The following YTHDC1 variants were observed in gnomAD, a reference collection of about 807,000 sequenced individuals.
YTHDC1 encodes YTH N6-methyladenosine RNA binding protein C1, also known as YTH domain-containing protein 1.
Under a neutral mutation model 107.0 loss-of-function variants are expected in YTHDC1, and 12 were observed. That is an observed-to-expected ratio of 0.11 (90% CI 0.07 to 0.18). The LOEUF (loss-of-function observed/expected upper bound fraction) is 0.18, where lower values mean the gene tolerates loss of function less well. Among genes scored for constraint, YTHDC1 ranks in the 10% least tolerant of loss-of-function variants. YTHDC1 has a pLI of 1.00. For missense variants in YTHDC1, 635 were observed against 898.8 expected, an observed-to-expected ratio of 0.71 and a Z score of 3.75; for synonymous variants, 280 against 289.5, an observed-to-expected ratio of 0.97 and a Z score of 0.33.
At chr4:68,337,997 G>C in intron 2 of YTHDC1, 97 bp from the exon 3 acceptor site, 1 of 1,482,002 alleles carries the variant, frequency 6.7e-7, no homozygotes, top group Non-Finnish European at 8.9e-7. Flanking sequence ...AGGAAGGGGG[G>C]ATAGGCCTCA....
intron 11 of YTHDC1, among the ~76,000 whole-genome samples, chr4:68,320,879 A>AT (rs915550097): frequency 9.3e-5 from 14 of 150,534 alleles, no homozygotes; most frequent in South Asian, 2.1e-4. Flanking sequence ...AATTAAGGGA[A>AT]TTTTTTTTTT....
chr4:68,324,938 TTA>T (rs1175360452), intron 9 of YTHDC1, among the ~76,000 whole-genome samples: 2 of 152,216 alleles, frequency 1.3e-5, no homozygotes, highest in African/African-American at 4.8e-5. Flanking sequence ...TCCTCTATTT[TTA>T]TAGTTCTTTG....
intron 11 of YTHDC1, among the ~76,000 whole-genome samples, chr4:68,321,144 T>C (rs1319208413): frequency 6.6e-6 from 1 of 152,134 alleles, no homozygotes; most frequent in Non-Finnish European, 1.5e-5. Context: ...AAAATAAATA[T>C]ATCTTTTTAA....
chr4:68,348,658 C>T (rs1163630553), intron 1 of YTHDC1, among the ~76,000 whole-genome samples: 2 of 152,102 alleles, frequency 1.3e-5, no homozygotes, highest in African/African-American at 4.8e-5. Flanking sequence ...AGCATGAAGA[C>T]TCTCCTGATG....
In YTHDC1 at chr4:68,310,538, G is replaced by C. The variant is rs1352669828; in HGVS notation, c.*3561C>G. The stretch of plus-strand genomic sequence containing the variant: ...TAGAGATTAAATGATCTACATGATA[G>C]ATAACAGAATACTATGCATGGATTG... On this transcript the variant is annotated 3_prime_UTR_variant, in exon 17 of 17. Transcript: ENST00000344157. The C allele has an allele frequency of 6.6e-6, 1 of 152,140 alleles. No individual in the cohort carries two copies. Among genetic ancestry groups the C allele is most frequent in the African/African-American group, 2.4e-5 (1 of 41,434 alleles). 9.4% of individuals were successfully genotyped at this position (152,140 alleles called of 1,614,324 possible). A position where few individuals can be genotyped will look rare whatever the true frequency, so the allele number is the denominator to read the frequency against.
At chr4:68,332,695 A>G (rs1723728684) in intron 6 of YTHDC1, 99 bp downstream of exon 6, 2 of 1,068,102 alleles carry the variant, frequency 1.9e-6, no homozygotes, top group Non-Finnish European at 2.8e-6. Context: ...AATATATCGG[A>G]ACATTACTAC....
At chr4:68,316,193 A>C in intron 16 of YTHDC1, 121 bp downstream of exon 16, 1 of 1,144,878 alleles carries the variant, frequency 8.7e-7, no homozygotes, top group Admixed American at 2.6e-5. Context: ...ATTATTCCAA[A>C]ACAGTCTGCA....
intron 7 of YTHDC1, among the ~76,000 whole-genome samples, chr4:68,331,716 C>A (rs62316047): frequency 0.017 from 2,613 of 151,758 alleles, 45 homozygotes; most frequent in Middle Eastern, 0.027. Flanking sequence ...TTCAAAAGAA[C>A]CTCAAAGTGT....
intron 1 of YTHDC1, chr4:68,344,219 A>C (rs1560505203): frequency 6.6e-6 from 1 of 152,128 alleles, no homozygotes; most frequent in Non-Finnish European, 1.5e-5. Context: ...AAAAAAAAAA[A>C]AAAACAAACT....
At chr4:68,341,627 A>G (rs1261558364) in intron 1 of YTHDC1, among the ~76,000 whole-genome samples, 2 of 152,118 alleles carry the variant, frequency 1.3e-5, no homozygotes, top group Non-Finnish European at 2.9e-5. Flanking sequence ...GAACACTTAC[A>G]GCCCACAAAG....
At chr4:68,333,033 A>G (rs918423180) in intron 5 of YTHDC1, among the ~76,000 whole-genome samples, 186 bp from the exon 6 acceptor site, 19 of 152,132 alleles carry the variant, frequency 1.2e-4, no homozygotes, top group Non-Finnish European at 2.2e-4. Context: ...GATTTTTTTA[A>G]AAGTATGTAT....
In YTHDC1 at chr4:68,349,731, T is replaced by C. The variant is rs898807739; in HGVS notation, c.23A>G (p.Glu8Gly). 6.8e-6 allele frequency: 11 copies of C among 1,607,776 alleles called. No individual in the cohort carries two copies. Among genetic ancestry groups the C allele is most frequent in the Non-Finnish European group, 8.5e-6 (10 of 1,178,104 alleles). MAADSRE[E>G]KDGELNVLDD... ...TCATCTTTCTCCGCACTAACCTTTCTCCTCCCGACTGTCAGCCGCCATGGC... is the reference window on the plus strand; with the variant it reads ...TCATCTTTCTCCGCACTAACCTTTCCCCTCCCGACTGTCAGCCGCCATGGC... The change falls in exon 1 of 17, where the codon GAG (glutamate) becomes GGG (glycine). Residue 8 changes from glutamate (E) to glycine (G), a missense_variant. Glu to Gly is a moderately conservative substitution (Grantham distance 98, BLOSUM62 -2). Transcript: ENST00000344157.
At chr4:68,319,664 T>C (rs748267630) in intron 12 of YTHDC1, among the ~76,000 whole-genome samples, 87 of 152,174 alleles carry the variant, frequency 5.7e-4, no homozygotes, top group South Asian at 1.4e-3. Flanking sequence ...GATAGATTAA[T>C]TGAAAAGCTA....
intron 15 of YTHDC1, among the ~76,000 whole-genome samples, chr4:68,316,653 T>C (rs893916215): frequency 2.0e-5 from 3 of 152,222 alleles, no homozygotes; most frequent in Admixed American, 2.0e-4. Context: ...GCTTTTCTAC[T>C]CCTATCATAT....
At chr4:68,336,002 T>C (rs906311989) in intron 4 of YTHDC1, among the ~76,000 whole-genome samples, 22 of 148,130 alleles carry the variant, frequency 1.5e-4, no homozygotes, top group Non-Finnish European at 2.1e-4. Context: ...ATAGTATAAA[T>C]ATATAGTATA....
At position 68,330,140 on chromosome 4, in the gene YTHDC1, T is replaced by C. The variant is rs752348524; in HGVS notation, c.1232-21A>G. ...AAACCCTAAGAGAATCATATCATAA[T>C]ATAATATGTAGATGCTAATATAATT... On this transcript the variant is annotated intron_variant, in intron 8 of 16. Transcript: ENST00000344157. 1.7e-5 allele frequency: 27 copies of C among 1,595,126 alleles called. No individual in the cohort carries two copies. The East Asian group carries it at 6.1e-4, about 36-fold the overall frequency.
intron 9 of YTHDC1, 59 bp from the exon 10 acceptor site, chr4:68,324,282 T>C: frequency 7.0e-7 from 1 of 1,432,248 alleles, no homozygotes; most frequent in Middle Eastern, 1.8e-4. Context: ...GACCTTATAC[T>C]ACTTTTAGTA....
At chr4:68,331,301 T>G (rs115459611) in intron 7 of YTHDC1, among the ~76,000 whole-genome samples, 5,015 of 152,234 alleles carry the variant, frequency 0.033, 88 homozygotes, top group Middle Eastern at 0.065. Context: ...CCAAGTGTAC[T>G]TCTGCCTAAA....
In YTHDC1 at chr4:68,310,458, A is replaced by C. The variant is rs531133700; in HGVS notation, c.*3641T>G. ...AGTCAATAATCTATATTTAAGACAC[A>C]GAAGAAACTGAAAGTGTAAGATTTA... is the stretch of plus-strand genomic sequence containing the variant. On this transcript the variant is annotated 3_prime_UTR_variant, in exon 17 of 17. Transcript: ENST00000344157. 1.8e-4 allele frequency: 27 copies of C among 152,356 alleles called. No individual in the cohort carries two copies. Among genetic ancestry groups the C allele is most frequent in the African/African-American group, 6.5e-4 (27 of 41,586 alleles). 9.4% of individuals were successfully genotyped at this position (152,356 alleles called of 1,614,324 possible).
Sources: allele counts gnomAD v4.1 joint callset (sites outside exome capture counted in the v4.1 genomes callset), GRCh38; gene constraint gnomAD v4.1.1; transcripts MANE v1.5; gene names NCBI Gene and HGNC (gene_info 2026-07-23, HGNC 2026-07-21).